The following TRIM5 variants were observed in gnomAD, a reference collection of about 807,000 sequenced individuals.
The protein encoded by TRIM5 is tripartite motif containing 5, also known as tripartite motif-containing protein 5.
TRIM5 carries 31 observed loss-of-function variants against 35.6 expected under a neutral mutation model. The ratio of observed to expected loss-of-function variants is 0.87; its 90% CI spans 0.65 to 1.18. TRIM5 has a LOEUF of 1.18. Ranked by LOEUF, TRIM5 falls within the 50% of genes most tolerant of loss-of-function variation. The pLI, the probability that TRIM5 is intolerant of heterozygous loss-of-function variation, is 0.00. For synonymous variants in TRIM5, 243 were observed against 215.6 expected, an observed-to-expected ratio of 1.13 and a Z score of -1.11; for missense variants, 609 against 591.6, an observed-to-expected ratio of 1.03 and a Z score of -0.31.
At chr11:5,634,505 AC>A in the TRIM5 span, 2 of 426,922 alleles carry the variant, frequency 4.7e-6, no homozygotes, top group South Asian at 1.4e-4. Context: ...ACACACACAC[AC>A]ACACACACAC....
the TRIM5 span, chr11:5,590,069 A>T: frequency 2.5e-5 from 4 of 157,142 alleles, no homozygotes; most frequent in African/African-American, 9.6e-5. Context: ...GTGCCAGCCC[A>T]CCGGCACTGC....
At chr11:5,668,193 C>G (rs929933757) in intron 4 of TRIM5, among the ~76,000 whole-genome samples, 8 of 152,118 alleles carry the variant, frequency 5.3e-5, no homozygotes, top group Admixed American at 5.2e-4. Context: ...AGAATTTGAG[C>G]CCAGAAGTTT....
Position 5,663,357 on chromosome 11 carries a change from T to C in TRIM5, c.*1452A>G, listed in dbSNP as rs1386740235. On this transcript the variant is annotated 3_prime_UTR_variant, in exon 8 of 8. Coordinates refer to ENST00000380034, the MANE Select transcript of TRIM5 (RefSeq NM_033034.3). ...TAGCAACACTAGAATTACAATAAAA[T>C]CCTAAATATATGTGTGTATTATATA... The C allele has an allele frequency of 2.5e-5, 24 of 960,296 alleles. No individual in the cohort carries two copies. The highest frequency in any genetic ancestry group is 2.8e-5 in the Non-Finnish European group (23 of 807,210). 59.5% of individuals were successfully genotyped at this position (960,296 alleles called of 1,614,324 possible). A position where few individuals can be genotyped will look rare whatever the true frequency, so the allele number is the denominator to read the frequency against.
chr11:5,624,820 C>T, the TRIM5 span: 5 of 152,186 alleles, frequency 3.3e-5, no homozygotes, highest in Admixed American at 6.5e-5. Flanking sequence ...GGATTAAGAG[C>T]ATTACCTTCT....
the TRIM5 span, among the ~76,000 whole-genome samples, chr11:5,631,743 G>A: frequency 0.88 from 133,828 of 152,232 alleles, 58,933 homozygotes; most frequent in East Asian, 1. Flanking sequence ...TTAGTCATCT[G>A]TGGAGAGACA....
chr11:5,630,253 T>C, the TRIM5 span, among the ~76,000 whole-genome samples: 2 of 152,170 alleles, frequency 1.3e-5, no homozygotes, highest in African/African-American at 2.4e-5. Flanking sequence ...GGCGATGTGT[T>C]TTTTATAGGA....
chr11:5,654,525 T>C, the TRIM5 span, among the ~76,000 whole-genome samples: 1 of 152,126 alleles, frequency 6.6e-6, no homozygotes, highest in Admixed American at 6.5e-5. Flanking sequence ...CTTGTGACCC[T>C]GGGGAGCACG....
chr11:5,665,168 C>T lies in TRIM5; in HGVS notation c.1123G>A (p.Val375Ile). The T allele has an allele frequency of 6.2e-7, 1 of 1,613,950 alleles. No individual in the cohort carries two copies. Among genetic ancestry groups the T allele is most frequent in the Non-Finnish European group, 8.5e-7 (1 of 1,179,928 alleles). The change falls in exon 8 of 8, where the codon GTA becomes ATA. Residue 375 changes from valine (V) to isoleucine (I), a missense_variant. Transcript: ENST00000380034. ...VSKKTAWILG[V>I]CAGFQPDAMC... ...GCATCAGGTTGGAAGCCAGCACATACCCCCAGGATCCAAGCAGTTTTCTTG... is the reference window on the plus strand; with the variant it reads ...GCATCAGGTTGGAAGCCAGCACATATCCCCAGGATCCAAGCAGTTTTCTTG...
the TRIM5 span, among the ~76,000 whole-genome samples, chr11:5,600,798 G>A: frequency 4.6e-5 from 7 of 152,086 alleles, no homozygotes; most frequent in African/African-American, 1.7e-4. Context: ...TCAGAACAGC[G>A]AGGTCACGCC....
downstream of TRIM5, among the ~76,000 whole-genome samples, chr11:5,661,756 G>A (rs549949242): frequency 2.2e-4 from 33 of 152,238 alleles, no homozygotes; most frequent in South Asian, 5.6e-3. Context: ...CTGAGAAGAC[G>A]GAGTGTAACT....
rs1163796075 is a variant in TRIM5, at chr11:5,679,947, C to T, written c.231G>A (p.Val77=). The change falls in exon 2 of 8, where the codon GTG becomes GTA. Residue 77 remains valine (V), a synonymous_variant. Coordinates refer to ENST00000380034, the MANE Select transcript of TRIM5 (RefSeq NM_033034.3). ...IRPNRHVANI[V]EKLREVKLSP... ...TCAACTTGACCTCCCTGAGCTTCTC[C>T]ACTATGTTGGCTACATGCCGATTAG... 1 of 1,614,100 alleles carries T rather than the reference C, an allele frequency of 6.2e-7. No homozygotes were observed. The highest frequency in any genetic ancestry group is 1.1e-5 in the South Asian group (1 of 91,076).
the TRIM5 span, chr11:5,645,895 ATCT>A: frequency 2.4e-5 from 4 of 165,950 alleles, no homozygotes; most frequent in African/African-American, 1.1e-4. Flanking sequence ...ATATATATAT[ATCT>A]ATATATAGAT....
Position 5,678,275 on chromosome 11 carries a change from T to A in TRIM5, c.673A>T (p.Thr225Ser). The A allele has an allele frequency of 1.2e-6, 2 of 1,614,148 alleles. No individual in the cohort carries two copies. The highest frequency in any genetic ancestry group is 1.7e-6 in the Non-Finnish European group (2 of 1,179,998). Reference sequence around the variant, plus strand: ...GAGATGAGCTCTCTCAGGGACTGGGTCTGCTGCACCATCTCAGTTTCAGAG... The same window carrying A: ...GAGATGAGCTCTCTCAGGGACTGGGACTGCTGCACCATCTCAGTTTCAGAG... Reference protein sequence around the residue: ...TNSETEMVQQTQSLRELISDL... With the variant: ...TNSETEMVQQSQSLRELISDL... Residue 225 changes from threonine to serine, a missense_variant, in exon 4 of 8, where the codon ACC becomes TCC. By Grantham distance (58) the Thr-to-Ser change is moderately conservative (BLOSUM62 1). Transcript: ENST00000380034.
the TRIM5 span, among the ~76,000 whole-genome samples, chr11:5,630,238 G>A: frequency 6.6e-6 from 1 of 152,314 alleles, no homozygotes; most frequent in South Asian, 2.1e-4. Context: ...CCAGGGGATG[G>A]TGATGGCGAT....
chr11:5,667,609 A>G, intron 5 of TRIM5, 80 bp downstream of exon 5: 2 of 1,474,728 alleles, frequency 1.4e-6, no homozygotes, highest in South Asian at 1.2e-5. Context: ...GTTTTATTCT[A>G]ATTAAACCCA....
intron 4 of TRIM5, among the ~76,000 whole-genome samples, chr11:5,675,675 TTTC>T (rs1185185092): frequency 6.6e-6 from 1 of 150,596 alleles, no homozygotes; most frequent in Non-Finnish European, 1.5e-5. Flanking sequence ...TTTTTTTTTT[TTTC>T]TTCTGTTGTG....
chr11:5,605,625 C>A, the TRIM5 span: 1 of 1,532,986 alleles, frequency 6.5e-7, no homozygotes. Context: ...ACTAACTTTC[C>A]TTCCTTTCTG....
At chr11:5,610,901 T>G in the TRIM5 span, 1 of 1,614,074 alleles carries the variant, frequency 6.2e-7, no homozygotes, top group Non-Finnish European at 8.5e-7. Flanking sequence ...ATTATGACTG[T>G]AGTGTCCTGG....
At chr11:5,677,004 A>G (rs999366823) in intron 4 of TRIM5, among the ~76,000 whole-genome samples, 1 of 152,196 alleles carries the variant, frequency 6.6e-6, no homozygotes, top group Non-Finnish European at 1.5e-5. Flanking sequence ...AAAACCCTAG[A>G]AGAAAACCTA....
Sources: allele counts gnomAD v4.1 joint callset (sites outside exome capture counted in the v4.1 genomes callset), GRCh38; gene constraint gnomAD v4.1.1; transcripts MANE v1.5; gene names NCBI Gene and HGNC (gene_info 2026-07-23, HGNC 2026-07-21).